Variants in CORO2A observed in about 807,000 individuals in gnomAD.
The protein encoded by CORO2A is coronin-2A.
Under a neutral mutation model 62.4 loss-of-function variants are expected in CORO2A, and 47 were observed. The observed-to-expected ratio is 0.75, with a 90% CI of 0.60 to 0.96. The LOEUF is 0.96. CORO2A is among the 40% of genes least tolerant of loss of function. The pLI, the probability that CORO2A is intolerant of heterozygous loss-of-function variation, is 0.00. For synonymous variants in CORO2A, 273 were observed against 268.9 expected, an observed-to-expected ratio of 1.02 and a Z score of -0.15; for missense variants, 610 against 684.1, an observed-to-expected ratio of 0.89 and a Z score of 1.21.
chr9:98,123,157 G>C lies in CORO2A; in HGVS notation c.*1617C>G, dbSNP rs1178276628. 1 of 152,230 alleles carries C rather than the reference G, an allele frequency of 6.6e-6. No individual in the cohort carries two copies. The highest frequency in any genetic ancestry group is 1.5e-5 in the Non-Finnish European group (1 of 68,078). The allele number at this position is 152,230 out of a possible 1,614,324, so 9.4% of individuals were successfully genotyped here. On this transcript the variant is annotated 3_prime_UTR_variant, in exon 12 of 12. Transcript: ENST00000375077. ...AGGTCACTGAGTAAGCTGGGGCACA[G>C]CTGAGGCCAGAAGCAACAGATTTCT...
intron 1 of CORO2A, among the ~76,000 whole-genome samples, chr9:98,167,041 C>T (rs1201325290): frequency 6.7e-6 from 1 of 148,840 alleles, no homozygotes; most frequent in Non-Finnish European, 1.5e-5. Flanking sequence ...GAGTTAGAGG[C>T]TGCAGTAAGC....
intron 1 of CORO2A, among the ~76,000 whole-genome samples, chr9:98,178,686 C>T (rs1397909976): frequency 6.6e-6 from 1 of 152,184 alleles, no homozygotes; most frequent in Non-Finnish European, 1.5e-5. Context: ...CCTGACACCC[C>T]AGCTGGCGAG....
At chr9:98,129,986 T>C (rs1827382312) in intron 7 of CORO2A, 96 bp from the exon 8 acceptor site, 1 of 883,144 alleles carries the variant, frequency 1.1e-6, no homozygotes, top group Non-Finnish European at 1.8e-6. Context: ...CTGGCTTTTT[T>C]TGATGATCGG....
At chr9:98,177,726 T>A (rs1379595363) in intron 1 of CORO2A, among the ~76,000 whole-genome samples, 1 of 150,106 alleles carries the variant, frequency 6.7e-6, no homozygotes, top group African/African-American at 2.5e-5. Context: ...ACTTTTTTGA[T>A]CATTCACTCC....
intron 2 of CORO2A, among the ~76,000 whole-genome samples, chr9:98,148,751 C>CAAAACAAAACA (rs1761605935): frequency 6.7e-6 from 1 of 150,230 alleles, no homozygotes; most frequent in African/African-American, 2.5e-5. Flanking sequence ...GAGCTTGTCT[C>CAAAACAAAACA]AAACAAAACA....
chr9:98,140,929 G>A (rs576447518), intron 2 of CORO2A, among the ~76,000 whole-genome samples: 5 of 152,220 alleles, frequency 3.3e-5, no homozygotes, highest in South Asian at 4.1e-4. Context: ...AAACAAGAAC[G>A]GTAGATTACA....
At chr9:98,148,770 CAAACAAACAAAAA>C in intron 2 of CORO2A, among the ~76,000 whole-genome samples, 1 of 147,606 alleles carries the variant, frequency 6.8e-6, no homozygotes, top group East Asian at 2.0e-4. Flanking sequence ...CAAAACAAAA[CAAACAAACAAAAA>C]AAACAAAACA....
chr9:98,156,322 G>A (rs1473731451), intron 2 of CORO2A, among the ~76,000 whole-genome samples: 1 of 152,160 alleles, frequency 6.6e-6, no homozygotes, highest in Non-Finnish European at 1.5e-5. Flanking sequence ...TTACAGGTGT[G>A]AGCCACTGTA....
rs200464089 is a variant in CORO2A, at chr9:98,137,596, G to A, written c.294C>T (p.Ile98=). Residue 98 remains isoleucine (I), a synonymous_variant, in exon 3 of 12, where the codon ATC becomes ATT. Coordinates refer to ENST00000375077, the MANE Select transcript of CORO2A (RefSeq NM_052820.4). ...CTGTGGCATCTTCAGAACAGGAGGC[G>A]ATCTCAAAATCATCAAAAGGGTTCC... ...VKWNPFDDFE[I]ASCSEDATIK... 32 of 1,614,108 alleles carry A rather than the reference G, an allele frequency of 2.0e-5. No individual in the cohort carries two copies. The highest frequency in any genetic ancestry group is 2.3e-5 in the Non-Finnish European group (27 of 1,179,970).
intron 2 of CORO2A, among the ~76,000 whole-genome samples, chr9:98,156,206 A>C (rs780289113): frequency 6.6e-6 from 1 of 151,610 alleles, no homozygotes; most frequent in East Asian, 1.9e-4. Flanking sequence ...TGCCCAGTTA[A>C]TTTTTGTATT....
intron 1 of CORO2A, among the ~76,000 whole-genome samples, chr9:98,187,458 C>CA (rs10532253): frequency 7.8e-6 from 1 of 127,478 alleles, no homozygotes; most frequent in Non-Finnish European, 1.7e-5. Context: ...AACTCCATCT[C>CA]AAAAAAAAAA....
intron 1 of CORO2A, among the ~76,000 whole-genome samples, chr9:98,191,260 C>A (rs927772520): frequency 4.4e-5 from 6 of 136,352 alleles, no homozygotes; most frequent in African/African-American, 1.6e-4. Context: ...AGACGGTCCC[C>A]AGGAGGGGCA....
At chr9:98,150,057 G>A (rs1383064452) in intron 2 of CORO2A, among the ~76,000 whole-genome samples, 1 of 151,798 alleles carries the variant, frequency 6.6e-6, no homozygotes. Flanking sequence ...TCAGCCTCCC[G>A]AATAGTTGGG....
chr9:98,157,171 G>C (rs1446947403), intron 2 of CORO2A, among the ~76,000 whole-genome samples: 1 of 152,132 alleles, frequency 6.6e-6, no homozygotes, highest in African/African-American at 2.4e-5. Flanking sequence ...TCCCAGTAAA[G>C]CATTAAAAAA....
intron 1 of CORO2A, among the ~76,000 whole-genome samples, chr9:98,170,749 C>T (rs1195304921): frequency 1.3e-5 from 2 of 152,166 alleles, no homozygotes; most frequent in African/African-American, 4.8e-5. Flanking sequence ...GGCCGAGAAT[C>T]CTAATTCTGA....
intron 1 of CORO2A, among the ~76,000 whole-genome samples, chr9:98,179,160 C>T (rs145135792): frequency 6.6e-6 from 1 of 152,170 alleles, no homozygotes; most frequent in South Asian, 2.1e-4. Context: ...GTTTGAGTGC[C>T]GGTAAAGTCT....
intron 1 of CORO2A, among the ~76,000 whole-genome samples, chr9:98,159,097 T>A (rs1487705714): frequency 3.3e-5 from 5 of 151,286 alleles, no homozygotes; most frequent in African/African-American, 9.7e-5. Flanking sequence ...TCTCGCTCTG[T>A]CACCCAGGCT....
intron 4 of CORO2A, 91 bp from the exon 5 acceptor site, chr9:98,133,308 T>C (rs1015369379): frequency 2.3e-6 from 3 of 1,304,852 alleles, no homozygotes; most frequent in Non-Finnish European, 2.2e-6. Context: ...TGAAACACAG[T>C]ATCCCTGGGA....
intron 4 of CORO2A, among the ~76,000 whole-genome samples, chr9:98,134,149 C>T (rs1827451268): frequency 6.6e-6 from 1 of 152,294 alleles, no homozygotes; most frequent in East Asian, 1.9e-4. Flanking sequence ...AGCTATGGTG[C>T]CACCAATTCC....
Sources: gnomAD v4.1 joint callset for allele counts (sites outside exome capture counted in the v4.1 genomes callset) on GRCh38, gnomAD v4.1.1 for gene constraint, MANE v1.5 for transcripts, NCBI Gene and HGNC (gene_info 2026-07-23, HGNC 2026-07-21) for gene names.